Variants in RBMS2 observed in about 807,000 individuals in gnomAD.
RBMS2 encodes the protein RNA binding motif single stranded interacting protein 2.
Under a neutral mutation model 58.4 loss-of-function variants are expected in RBMS2, and 38 were observed. The observed-to-expected ratio is 0.65, with a 90% CI of 0.50 to 0.85. The LOEUF is 0.85. Among genes scored for constraint, RBMS2 ranks in the 40% least tolerant of loss-of-function variants. The probability of loss-of-function intolerance (pLI) is 0.00; values close to 1 mark genes in which losing one functional copy is unlikely to be tolerated. For synonymous variants in RBMS2, 151 were observed against 180.7 expected (o/e 0.84, Z 1.32); for missense variants, 367 against 503.7 (o/e 0.73, Z 2.60).
At chr12:56,554,544 C>T (rs539826911) in intron 1 of RBMS2, among the ~76,000 whole-genome samples, 4 of 152,142 alleles carry the variant, frequency 2.6e-5, no homozygotes, top group Non-Finnish European at 2.9e-5. Context: ...AATGAGAACA[C>T]ATAGACATAG....
chr12:56,583,721 A>G (rs1884294471), intron 9 of RBMS2, among the ~76,000 whole-genome samples: 1 of 151,898 alleles, frequency 6.6e-6, no homozygotes, highest in African/African-American at 2.4e-5. Flanking sequence ...TTTAATTTGC[A>G]TGTCCCTTAC....
intron 1 of RBMS2, among the ~76,000 whole-genome samples, chr12:56,525,019 G>A (rs1872406540): frequency 6.6e-6 from 1 of 151,354 alleles, no homozygotes; most frequent in Non-Finnish European, 1.5e-5. Context: ...ACTGCGCCTG[G>A]CCCCATATTT....
At chr12:56,569,134 C>T (rs1292215542) in intron 3 of RBMS2, 101 bp downstream of exon 3, 18 of 1,052,506 alleles carry the variant, frequency 1.7e-5, no homozygotes, top group Non-Finnish European at 2.4e-5. Context: ...ACAGTGTCAG[C>T]GAGAAGTCCC....
At chr12:56,546,613 A>G (rs939439240) in intron 1 of RBMS2, among the ~76,000 whole-genome samples, 4 of 151,570 alleles carry the variant, frequency 2.6e-5, no homozygotes, top group Non-Finnish European at 1.5e-5. Flanking sequence ...GATTACAGGC[A>G]TGAGCCACCG....
At chr12:56,587,881 C>G (rs546944718) in intron 11 of RBMS2, among the ~76,000 whole-genome samples, 2 of 152,220 alleles carry the variant, frequency 1.3e-5, no homozygotes, top group Non-Finnish European at 2.9e-5. Flanking sequence ...GATTCCTACT[C>G]ATGCACCTTG....
chr12:56,564,711 T>C (rs982768483), intron 2 of RBMS2, among the ~76,000 whole-genome samples: 1 of 152,216 alleles, frequency 6.6e-6, no homozygotes, highest in African/African-American at 2.4e-5. Context: ...TGATGGCTCA[T>C]GCCTGTAATT....
chr12:56,544,938 T>C (rs1876886078), intron 1 of RBMS2, among the ~76,000 whole-genome samples: 1 of 151,850 alleles, frequency 6.6e-6, no homozygotes, highest in African/African-American at 2.4e-5. Context: ...TCAATAGTTT[T>C]TGGGGTACAG....
chr12:56,533,577 G>C (rs1159378233), intron 1 of RBMS2, among the ~76,000 whole-genome samples: 1 of 151,294 alleles, frequency 6.6e-6, no homozygotes, highest in African/African-American at 2.4e-5. Flanking sequence ...CACTACACCT[G>C]GCTTATTTTT....
intron 1 of RBMS2, among the ~76,000 whole-genome samples, chr12:56,555,481 A>G (rs1299159893): frequency 6.6e-6 from 1 of 150,946 alleles, no homozygotes; most frequent in Non-Finnish European, 1.5e-5. Context: ...TTGGCCAGGT[A>G]TGGTGGCTCA....
chr12:56,571,979 C>A, intron 5 of RBMS2, 124 bp downstream of exon 5: 1 of 1,088,166 alleles, frequency 9.2e-7, no homozygotes, highest in Admixed American at 3.9e-5. Context: ...TTCAAAAATA[C>A]TTGATGGTAA....
At chr12:56,585,892 A>G (rs1884598003) in intron 9 of RBMS2, among the ~76,000 whole-genome samples, 1 of 152,228 alleles carries the variant, frequency 6.6e-6, no homozygotes, top group South Asian at 2.1e-4. Context: ...TTTTAATTGT[A>G]GTCATGCTGG....
chr12:56,563,663 C>T (rs936854123), intron 2 of RBMS2, among the ~76,000 whole-genome samples: 4 of 152,042 alleles, frequency 2.6e-5, no homozygotes, highest in African/African-American at 4.8e-5. Context: ...TTGGGCCGGG[C>T]GTGGTGGCTC....
At chr12:56,527,496 C>T (rs761896117) in intron 1 of RBMS2, among the ~76,000 whole-genome samples, 12 of 152,052 alleles carry the variant, frequency 7.9e-5, no homozygotes, top group Admixed American at 2.6e-4. Flanking sequence ...CCAGTAATCT[C>T]AGTTACTTGG....
intron 1 of RBMS2, among the ~76,000 whole-genome samples, chr12:56,543,600 G>T (rs891378834): frequency 6.9e-6 from 1 of 144,180 alleles, no homozygotes; most frequent in African/African-American, 2.6e-5. Context: ...GGATCCACCC[G>T]CCTCGGCCTC....
At chr12:56,588,806 A>T in intron 12 of RBMS2, 126 bp from the exon 13 acceptor site, 1 of 825,260 alleles carries the variant, frequency 1.2e-6, no homozygotes, top group East Asian at 2.4e-5. Flanking sequence ...AAACACTCAC[A>T]CATGAGTGTG....
At chr12:56,524,973 C>T (rs1248294124) in intron 1 of RBMS2, among the ~76,000 whole-genome samples, 2 of 151,844 alleles carry the variant, frequency 1.3e-5, no homozygotes, top group Admixed American at 6.6e-5. Flanking sequence ...CTGCCTGCCT[C>T]GGCCTCCCAA....
intron 1 of RBMS2, among the ~76,000 whole-genome samples, chr12:56,545,411 TATA>T (rs2136320082): frequency 6.6e-6 from 1 of 152,318 alleles, no homozygotes; most frequent in South Asian, 2.1e-4. Context: ...TCTATTGAGA[TATA>T]ATTCACACAT....
intron 1 of RBMS2, among the ~76,000 whole-genome samples, chr12:56,554,145 C>T (rs528154799): frequency 2.6e-5 from 4 of 152,040 alleles, no homozygotes; most frequent in Admixed American, 6.6e-5. Flanking sequence ...AAAATTAGAA[C>T]GAAGGACAAA....
rs1478101209 is a variant in RBMS2 at position 56,522,218 on chromosome 12, C to T, written c.66+129C>T. 1.1e-5 allele frequency: 8 copies of T among 702,674 alleles called. No individual in the cohort carries two copies. In the East Asian group the frequency reaches 2.1e-4, roughly 19 times the overall value. 43.5% of individuals were successfully genotyped at this position (702,674 alleles called of 1,614,324 possible). ...TCTCAAGATTCCTAATTCCTCACCG[C>T]GCTTCTCCCTTTTCCACTACTGCTT... On this transcript the variant is annotated intron_variant, in intron 1 of 13. Coordinates refer to ENST00000262031, the MANE Select transcript of RBMS2 (RefSeq NM_002898.4).
Sources: gnomAD v4.1 joint callset for allele counts (sites outside exome capture counted in the v4.1 genomes callset) on GRCh38, gnomAD v4.1.1 for gene constraint, MANE v1.5 for transcripts, NCBI Gene and HGNC (gene_info 2026-07-23, HGNC 2026-07-21) for gene names.